The following HEMK2 variants were observed in gnomAD, a reference collection of about 807,000 sequenced individuals.
The protein encoded by HEMK2 is HemK methyltransferase 2, ETF1 glutamine and histone H4 lysine, also known as methyltransferase HEMK2.
the HEMK2 span, among the ~76,000 whole-genome samples, chr21:28,745,519 G>C: frequency 6.6e-6 from 1 of 152,152 alleles, no homozygotes. Context: ...CCTCTCCACA[G>C]ATCAAGAAGT....
chr21:28,791,364 G>A, the HEMK2 span, among the ~76,000 whole-genome samples: 1 of 152,140 alleles, frequency 6.6e-6, no homozygotes, highest in Non-Finnish European at 1.5e-5. Flanking sequence ...GTGTTTCTGA[G>A]ATGGTGGGGT....
chr21:28,675,584 A>G, the HEMK2 span, among the ~76,000 whole-genome samples: 1 of 152,240 alleles, frequency 6.6e-6, no homozygotes, highest in African/African-American at 2.4e-5. Context: ...GCATGCCCTT[A>G]GAAACTATAA....
chr21:28,825,924 T>C, the HEMK2 span, among the ~76,000 whole-genome samples: 3 of 152,174 alleles, frequency 2.0e-5, no homozygotes, highest in Admixed American at 6.5e-5. Flanking sequence ...GCTCCAGCCA[T>C]AAGGAAAGAA....
the HEMK2 span, among the ~76,000 whole-genome samples, chr21:28,831,996 G>T: frequency 6.6e-6 from 1 of 152,186 alleles, no homozygotes; most frequent in Non-Finnish European, 1.5e-5. Context: ...CTAGCAAACT[G>T]CTAAAGAGAA....
At chr21:28,641,744 A>C in the HEMK2 span, among the ~76,000 whole-genome samples, 3 of 152,260 alleles carry the variant, frequency 2.0e-5, no homozygotes, top group Admixed American at 1.3e-4. Context: ...GCACAGAGAT[A>C]CAAATTATAC....
At chr21:28,656,542 T>C in the HEMK2 span, among the ~76,000 whole-genome samples, 1 of 151,938 alleles carries the variant, frequency 6.6e-6, no homozygotes, top group African/African-American at 2.4e-5. Context: ...ACAACCAACC[T>C]AGCACAGTCC....
chr21:28,672,990 G>T, the HEMK2 span, among the ~76,000 whole-genome samples: 1 of 126,402 alleles, frequency 7.9e-6, no homozygotes, highest in Non-Finnish European at 1.6e-5. Flanking sequence ...AAGAGAGAAA[G>T]AAAAAGAAAG....
the HEMK2 span, among the ~76,000 whole-genome samples, chr21:28,664,606 A>AAT: frequency 2.4e-4 from 36 of 152,062 alleles, no homozygotes; most frequent in Admixed American, 3.3e-4. Flanking sequence ...CCTTTTAAAA[A>AAT]ATATATATAT....
the HEMK2 span, among the ~76,000 whole-genome samples, chr21:28,691,624 T>C: frequency 3.3e-5 from 5 of 152,244 alleles, no homozygotes; most frequent in South Asian, 4.1e-4. Flanking sequence ...CAGTGGGAAA[T>C]AGTATTTCAA....
the HEMK2 span, among the ~76,000 whole-genome samples, chr21:28,661,220 T>C: frequency 3.9e-5 from 6 of 152,216 alleles, no homozygotes; most frequent in African/African-American, 1.2e-4. Flanking sequence ...ATCTTTCTGA[T>C]TTTCTAAAGT....
At chr21:28,699,148 A>G in the HEMK2 span, among the ~76,000 whole-genome samples, 1 of 152,210 alleles carries the variant, frequency 6.6e-6, no homozygotes, top group Non-Finnish European at 1.5e-5. Flanking sequence ...CACCAGAGAA[A>G]ATCTAAACTA....
At chr21:28,875,228 AG>A in the HEMK2 span, 1 of 152,218 alleles carries the variant, frequency 6.6e-6, no homozygotes, top group African/African-American at 2.4e-5. Flanking sequence ...CTGATGACAG[AG>A]TGTTGCTGTG....
the HEMK2 span, among the ~76,000 whole-genome samples, chr21:28,603,818 C>G: frequency 6.6e-6 from 1 of 152,166 alleles, no homozygotes; most frequent in Non-Finnish European, 1.5e-5. Flanking sequence ...TCACTCTCAG[C>G]TCATATATGG....
the HEMK2 span, among the ~76,000 whole-genome samples, chr21:28,663,699 T>C: frequency 2.6e-5 from 4 of 152,258 alleles, no homozygotes; most frequent in Admixed American, 1.3e-4. Flanking sequence ...GTTATTGTCA[T>C]TGATGACGTT....
chr21:28,848,606 CA>C, the HEMK2 span, among the ~76,000 whole-genome samples: 1 of 152,080 alleles, frequency 6.6e-6, no homozygotes, highest in Admixed American at 6.6e-5. Context: ...AATTTTAATA[CA>C]TTCTCTTTTA....
At chr21:28,867,496 C>T in the HEMK2 span, among the ~76,000 whole-genome samples, 2 of 152,134 alleles carry the variant, frequency 1.3e-5, no homozygotes, top group Admixed American at 6.5e-5. Context: ...ACTGCACTGT[C>T]GAGAAATGTA....
chr21:28,726,622 T>C, the HEMK2 span, among the ~76,000 whole-genome samples: 1 of 152,152 alleles, frequency 6.6e-6, no homozygotes, highest in East Asian at 1.9e-4. Flanking sequence ...AAAGATTATT[T>C]TCAGGCCAGG....
At chr21:28,680,308 G>A in the HEMK2 span, among the ~76,000 whole-genome samples, 1 of 152,166 alleles carries the variant, frequency 6.6e-6, no homozygotes. Flanking sequence ...TAGAAGAAAT[G>A]GATAAATTCC....
At chr21:28,590,182 C>G in the HEMK2 span, among the ~76,000 whole-genome samples, 1 of 152,026 alleles carries the variant, frequency 6.6e-6, no homozygotes, top group African/African-American at 2.4e-5. Context: ...GTTGAAATGT[C>G]AACAAAGCCT....
Sources: gnomAD v4.1 joint callset for allele counts (sites outside exome capture counted in the v4.1 genomes callset) on GRCh38, gnomAD v4.1.1 for gene constraint, MANE v1.5 for transcripts, NCBI Gene and HGNC (gene_info 2026-07-23, HGNC 2026-07-21) for gene names.